The following SV2C variants were observed in gnomAD, a reference collection of about 807,000 sequenced individuals.
SV2C encodes the protein synaptic vesicle glycoprotein 2C, also known as solute carrier family 22 member B3.
SV2C carries 49 observed loss-of-function variants against 79.7 expected under a neutral mutation model. The ratio of observed to expected loss-of-function variants is 0.61; its 90% CI spans 0.49 to 0.78. The LOEUF is 0.78. Among genes scored for constraint, SV2C ranks in the 30% least tolerant of loss-of-function variants. The pLI, the probability that SV2C is intolerant of heterozygous loss-of-function variation, is 0.00. For missense variants in SV2C, 833 were observed against 912.9 expected (o/e 0.91, Z 1.13); for synonymous variants, 334 against 333.2 (o/e 1.00, Z -0.03).
intron 2 of SV2C, among the ~76,000 whole-genome samples, chr5:76,145,631 C>T (rs753695665): frequency 6.6e-6 from 1 of 152,144 alleles, no homozygotes; most frequent in African/African-American, 2.4e-5. Flanking sequence ...ATGAACATGG[C>T]ATGGCACCAA....
chr5:75,867,904 C>T, the SV2C span, among the ~76,000 whole-genome samples: 23 of 152,306 alleles, frequency 1.5e-4, no homozygotes, highest in African/African-American at 4.8e-4. Flanking sequence ...CAGGCACATG[C>T]TAAGTACTGA....
chr5:75,977,349 A>G, the SV2C span, among the ~76,000 whole-genome samples: 1 of 152,140 alleles, frequency 6.6e-6, no homozygotes, highest in Non-Finnish European at 1.5e-5. Context: ...TTTTAACCCT[A>G]TAAGGGAAGT....
At chr5:76,274,536 A>T (rs1032549425) in intron 4 of SV2C, among the ~76,000 whole-genome samples, 1 of 152,140 alleles carries the variant, frequency 6.6e-6, no homozygotes, top group African/African-American at 2.4e-5. Flanking sequence ...GACATTTTCC[A>T]TATATCTGTT....
At chr5:76,221,756 C>T (rs1745071333) in intron 4 of SV2C, among the ~76,000 whole-genome samples, 1 of 152,120 alleles carries the variant, frequency 6.6e-6, no homozygotes, top group Admixed American at 6.5e-5. Flanking sequence ...TTGGCTAGAT[C>T]CTGGGTCTTC....
At chr5:75,937,785 C>G in the SV2C span, among the ~76,000 whole-genome samples, 1 of 152,112 alleles carries the variant, frequency 6.6e-6, no homozygotes, top group Non-Finnish European at 1.5e-5. Context: ...CTAGGGTCTT[C>G]CAGTCAGTGG....
At chr5:75,933,785 CAT>C in the SV2C span, among the ~76,000 whole-genome samples, 1 of 152,200 alleles carries the variant, frequency 6.6e-6, no homozygotes, top group African/African-American at 2.4e-5. Context: ...TTCTGTCTAT[CAT>C]CTGTCCAAGC....
At chr5:75,872,597 G>A in the SV2C span, among the ~76,000 whole-genome samples, 4 of 152,084 alleles carry the variant, frequency 2.6e-5, no homozygotes, top group East Asian at 7.7e-4. Flanking sequence ...TTTTATACAA[G>A]TATTGGAAAA....
At chr5:76,025,964 G>C in the SV2C span, among the ~76,000 whole-genome samples, 3 of 152,108 alleles carry the variant, frequency 2.0e-5, no homozygotes, top group Admixed American at 2.0e-4. Flanking sequence ...CAACCAGGAT[G>C]GTGGGAGGTG....
intron 6 of SV2C, among the ~76,000 whole-genome samples, chr5:76,289,052 G>T (rs186505756): frequency 4.4e-4 from 67 of 151,846 alleles, no homozygotes; most frequent in African/African-American, 1.4e-3. Context: ...GCTGATTTTT[G>T]AATTATTTGT....
intron 4 of SV2C, among the ~76,000 whole-genome samples, chr5:76,261,919 C>G (rs553993038): frequency 6.6e-6 from 1 of 152,132 alleles, no homozygotes; most frequent in Non-Finnish European, 1.5e-5. Context: ...TCAGTTGTGT[C>G]TCTGCCAGGT....
the SV2C span, among the ~76,000 whole-genome samples, chr5:75,950,468 A>G: frequency 6.6e-6 from 1 of 152,046 alleles, no homozygotes; most frequent in Non-Finnish European, 1.5e-5. Flanking sequence ...TTTAACAAAC[A>G]TATGAAAACT....
At chr5:76,288,575 C>T (rs995192809) in intron 6 of SV2C, among the ~76,000 whole-genome samples, 5 of 152,138 alleles carry the variant, frequency 3.3e-5, no homozygotes, top group African/African-American at 1.2e-4. Flanking sequence ...AAGAAAAACC[C>T]TTTATTTACC....
At chr5:76,265,597 G>A (rs760068680) in intron 4 of SV2C, among the ~76,000 whole-genome samples, 9 of 152,210 alleles carry the variant, frequency 5.9e-5, no homozygotes, top group East Asian at 1.9e-4. Context: ...ACCCAGGGCC[G>A]TGGTGGTGTA....
downstream of SV2C, among the ~76,000 whole-genome samples, chr5:76,338,945 C>T (rs76645482): frequency 6.6e-6 from 1 of 151,898 alleles, no homozygotes; most frequent in Non-Finnish European, 1.5e-5. Context: ...TGTGAGCCAC[C>T]GCTCCCGGCT....
At chr5:75,883,692 TG>T in the SV2C span, among the ~76,000 whole-genome samples, 5 of 54,784 alleles carry the variant, frequency 9.1e-5, no homozygotes, top group African/African-American at 2.9e-4. Context: ...TGTTGTGGGG[TG>T]GGGGGAGGGG....
At position 76,308,983 on chromosome 5, in the gene SV2C, G is replaced by T. The variant is rs910266021; in HGVS notation, c.2000+7438G>T. 3.3e-5 allele frequency among the ~76,000 whole-genome samples: 5 copies of T among 152,054 alleles called. No homozygotes were observed. The East Asian group carries it at 7.7e-4, about 24-fold the overall frequency. ...CTTCAGTTGTAATATAGTGGTCAGG[G>T]TTATTACATGGGAAGTGCATGATGC... On this transcript the variant is annotated intron_variant, in intron 12 of 12. Coordinates refer to ENST00000502798, the MANE Select transcript of SV2C (RefSeq NM_014979.4).
chr5:76,323,821 A>T (rs1748902519), intron 12 of SV2C, among the ~76,000 whole-genome samples: 1 of 152,198 alleles, frequency 6.6e-6, no homozygotes, highest in South Asian at 2.1e-4. Flanking sequence ...CTCACTCATA[A>T]ATGAGAGTTG....
chr5:75,917,392 G>T, the SV2C span, among the ~76,000 whole-genome samples: 2 of 152,148 alleles, frequency 1.3e-5, no homozygotes, highest in African/African-American at 4.8e-5. Flanking sequence ...AGTGAATTAT[G>T]CTTGACACTG....
intron 3 of SV2C, among the ~76,000 whole-genome samples, chr5:76,201,043 C>G (rs1744424632): frequency 6.6e-6 from 1 of 152,204 alleles, no homozygotes; most frequent in Non-Finnish European, 1.5e-5. Context: ...AGCATATCTT[C>G]TTAGAAACAC....
Sources: gnomAD v4.1 joint callset for allele counts (sites outside exome capture counted in the v4.1 genomes callset) on GRCh38, gnomAD v4.1.1 for gene constraint, MANE v1.5 for transcripts, NCBI Gene and HGNC (gene_info 2026-07-23, HGNC 2026-07-21) for gene names.